AVEN: variants seen among roughly 807,000 people sequenced by gnomAD.
The protein encoded by AVEN is cell death regulator Aven.
AVEN carries 41 observed loss-of-function variants against 38.1 expected under a neutral mutation model. The observed-to-expected ratio is 1.08, with a 90% confidence interval of 0.84 to 1.40. AVEN has a LOEUF of 1.40. Ranked by LOEUF, AVEN falls within the 40% of genes most tolerant of loss-of-function variation. AVEN has a pLI of 0.00. For synonymous variants in AVEN, 206 were observed against 171.8 expected (o/e 1.20, Z -1.56); for missense variants, 605 against 438.8 (o/e 1.38, Z -3.38).
chr15:33,944,848 A>G (rs1432609266), intron 2 of AVEN, among the ~76,000 whole-genome samples: 1 of 151,990 alleles, frequency 6.6e-6, no homozygotes, highest in Non-Finnish European at 1.5e-5. Context: ...TTGTAAAAAG[A>G]GAAAACCTTG....
chr15:33,974,963 ACT>A (rs763847504), intron 2 of AVEN, among the ~76,000 whole-genome samples: 12 of 152,124 alleles, frequency 7.9e-5, no homozygotes, highest in Admixed American at 2.0e-4. Context: ...CAAGGGCGAA[ACT>A]CTATCCTGAA....
chr15:33,853,432 CTA>C, the AVEN span: 30 of 1,243,670 alleles, frequency 2.4e-5, no homozygotes, highest in African/African-American at 1.2e-4. Flanking sequence ...GCATTTTGAA[CTA>C]TGTCTTCATC....
At chr15:33,937,406 G>A (rs922758237) in intron 2 of AVEN, among the ~76,000 whole-genome samples, 3 of 151,582 alleles carry the variant, frequency 2.0e-5, no homozygotes, top group South Asian at 2.1e-4. Flanking sequence ...GGTGGCAGGC[G>A]CCTGTAGGCC....
chr15:34,025,732 GTGTTTTTGT>G (rs1482834326), intron 1 of AVEN, among the ~76,000 whole-genome samples: 4 of 152,094 alleles, frequency 2.6e-5, no homozygotes, highest in East Asian at 1.9e-4. Flanking sequence ...TTGTGTGTGT[GTGTTTTTGT>G]TTTGGTTTGG....
At chr15:33,960,588 A>G (rs1895124739) in intron 2 of AVEN, among the ~76,000 whole-genome samples, 2 of 152,238 alleles carry the variant, frequency 1.3e-5, no homozygotes. Flanking sequence ...CTTCTTAAAA[A>G]ATAAAAATAA....
chr15:33,897,900 G>A (rs546596056), intron 2 of AVEN, among the ~76,000 whole-genome samples: 48 of 150,562 alleles, frequency 3.2e-4, no homozygotes, highest in African/African-American at 1.1e-3. Flanking sequence ...GCAAAAAATA[G>A]CTGAATGGGC....
Position 33,879,184 on chromosome 15 carries a change from A to C in AVEN, c.446-3189T>G, listed in dbSNP as rs1597183708. ...CTAACAATGATAGACCGGATTAAGA[A>C]AATGTGGCACATATACACCATGGAA... On this transcript the variant is annotated intron_variant, in intron 2 of 5. Transcript: ENST00000306730. Among the ~76,000 whole-genome samples, 4 of 152,014 alleles carry C rather than the reference A, an allele frequency of 2.6e-5. No homozygotes were observed. In the East Asian group the frequency reaches 7.7e-4, roughly 29 times the overall value.
intron 2 of AVEN, 77 bp from the exon 3 acceptor site, chr15:33,876,072 C>G (rs1008654280): frequency 2.2e-6 from 3 of 1,369,358 alleles, no homozygotes; most frequent in African/African-American, 2.9e-5. Context: ...CCTGCTAGAG[C>G]AAAAGTGCCA....
At chr15:34,006,058 T>C (rs1331957147) in intron 1 of AVEN, among the ~76,000 whole-genome samples, 1 of 152,176 alleles carries the variant, frequency 6.6e-6, no homozygotes, top group Non-Finnish European at 1.5e-5. Flanking sequence ...ACACCTGTAA[T>C]CCCAACACTT....
intron 2 of AVEN, among the ~76,000 whole-genome samples, chr15:33,994,565 G>C (rs964123442): frequency 2.6e-5 from 4 of 152,182 alleles, no homozygotes; most frequent in African/African-American, 7.2e-5. Context: ...GTGCCAAAAA[G>C]GTTGGGGACC....
At chr15:33,996,635 A>G (rs1200807020) in intron 2 of AVEN, among the ~76,000 whole-genome samples, 1 of 152,256 alleles carries the variant, frequency 6.6e-6, no homozygotes, top group Non-Finnish European at 1.5e-5. Flanking sequence ...AAGGAAAACT[A>G]ACAAACAGAA....
chr15:33,979,300 T>C (rs987404817), intron 2 of AVEN, among the ~76,000 whole-genome samples: 1 of 152,098 alleles, frequency 6.6e-6, no homozygotes, highest in Non-Finnish European at 1.5e-5. Flanking sequence ...GGAGGAAGGA[T>C]TGCTTGAGCC....
At chr15:33,995,615 A>C (rs977803166) in intron 2 of AVEN, among the ~76,000 whole-genome samples, 1 of 152,222 alleles carries the variant, frequency 6.6e-6, no homozygotes, top group African/African-American at 2.4e-5. Context: ...AATTAAACTA[A>C]AGAGTTTCTG....
chr15:34,014,606 C>A (rs1897802434), intron 1 of AVEN, among the ~76,000 whole-genome samples: 1 of 152,152 alleles, frequency 6.6e-6, no homozygotes, highest in South Asian at 2.1e-4. Context: ...AGGTAGGTAC[C>A]AGTGTCTGTG....
intron 2 of AVEN, among the ~76,000 whole-genome samples, chr15:33,897,500 C>A (rs1361399291): frequency 1.3e-5 from 2 of 152,004 alleles, no homozygotes; most frequent in African/African-American, 4.8e-5. Context: ...GAACCCCTGA[C>A]CTCAGGCGAT....
intron 2 of AVEN, among the ~76,000 whole-genome samples, chr15:33,934,407 A>T (rs1041961192): frequency 5.3e-5 from 8 of 152,248 alleles, no homozygotes; most frequent in African/African-American, 1.9e-4. Context: ...TCTTCTAGCA[A>T]CCAAAAGAAG....
intron 11 of AVEN, chr15:33,861,069 T>G: frequency 6.4e-7 from 1 of 1,570,886 alleles, no homozygotes. Flanking sequence ...TGCCTGTTAT[T>G]TTTCTTAGAC....
rs149833842 is a variant in AVEN at position 33,907,399 on chromosome 15, G to C, written c.446-31404C>G. 2.0e-5 allele frequency among the ~76,000 whole-genome samples: 3 copies of C among 152,272 alleles called. No individual in the cohort carries two copies. The East Asian group carries it at 5.8e-4, about 29-fold the overall frequency. ...AGGAAAGGCTGGGGTATCAACATCA[G>C]TCATTTTGCTTCCACATGGGATTAT... On this transcript the variant is annotated intron_variant, in intron 2 of 5. Transcript: ENST00000306730.
rs3086294 is a variant in AVEN, at chr15:33,933,524, CAGAGAGAGAGAGAGAGAGAG to C, written c.446-57549_446-57530del. On this transcript the variant is annotated intron_variant, in intron 2 of 5. Transcript: ENST00000306730. Reference sequence around the variant, plus strand: ...ACACACACACACACACACACACACACAGAGAGAGAGAGAGAGAGAGAGAGAGAGAGAGAGAGAGAGAGAGA... The same window carrying C: ...ACACACACACACACACACACACACACAGAGAGAGAGAGAGAGAGAGAGAGA... Among the ~76,000 whole-genome samples the C allele has an allele frequency of 3.2e-3, 149 of 46,612 alleles. 1 individual carries two copies. The highest frequency in any genetic ancestry group is 0.016 in the East Asian group (23 of 1,410). The allele number at this position is 46,612 out of a possible 152,430, so 30.6% of individuals were successfully genotyped here.
Sources: allele counts gnomAD v4.1 joint callset (sites outside exome capture counted in the v4.1 genomes callset), GRCh38; gene constraint gnomAD v4.1.1; transcripts MANE v1.5; gene names NCBI Gene and HGNC (gene_info 2026-07-23, HGNC 2026-07-21).